IGSF6: variants seen among roughly 807,000 people sequenced by gnomAD.
The protein encoded by IGSF6 is immunoglobulin superfamily member 6.
In IGSF6, 23 loss-of-function variants were observed where a neutral mutation model predicts 24.7. The observed-to-expected ratio is 0.93, with a 90% confidence interval of 0.67 to 1.32. IGSF6 has a LOEUF of 1.32. IGSF6 is among the 40% of genes most tolerant of loss of function. The pLI, the probability that IGSF6 is intolerant of heterozygous loss-of-function variation, is 0.00. For missense variants in IGSF6, 295 were observed against 293.6 expected (o/e 1.00, Z -0.04); for synonymous variants, 110 against 113.7 (o/e 0.97, Z 0.21).
Position 21,641,107 on chromosome 16 carries a change from A to T in IGSF6, c.*427T>A, listed in dbSNP as rs895312918. ...TTTACTAAGGTGCTTTTCAAAATGA[A>T]TGTCTCTAACTCAAATTTTGTCACG... On this transcript the variant is annotated 3_prime_UTR_variant, in exon 6 of 6. Transcript: ENST00000268389. The T allele has an allele frequency of 6.5e-6, 1 of 153,886 alleles. No individual in the cohort carries two copies. The highest frequency in any genetic ancestry group is 2.4e-5 in the African/African-American group (1 of 41,500). The allele number at this position is 153,886 out of a possible 1,614,324, so 9.5% of individuals were successfully genotyped here. A position where few individuals can be genotyped will look rare whatever the true frequency, so the allele number is the denominator to read the frequency against.
chr16:21,644,367 T>C lies in IGSF6; in HGVS notation c.457A>G (p.Ser153Gly). The C allele has an allele frequency of 6.2e-7, 1 of 1,613,826 alleles. No homozygotes were observed. The highest frequency in any genetic ancestry group is 8.5e-7 in the Non-Finnish European group (1 of 1,179,812). The part of the protein sequence containing the change: ...EIKLLSKELR[S>G]FLTALVSLLS... ...AGTGATACAAGAGCTGTCAGGAAGC[T>C]CCGCAGTTCCTTGCTGAGCAGCTTA... The change falls in exon 3 of 6, where the codon AGC becomes GGC. Residue 153 changes from serine to glycine, a missense_variant. Ser to Gly is a moderately conservative substitution (Grantham distance 56). Transcript: ENST00000268389.
chr16:21,652,198 T>C (rs1421642477), intron 1 of IGSF6: 2 of 187,358 alleles, frequency 1.1e-5, no homozygotes, highest in Non-Finnish European at 2.2e-5. Flanking sequence ...CAAATAATCA[T>C]TTATTGCTTT....
At chr16:21,649,730 G>C (rs1481444389) in intron 1 of IGSF6, among the ~76,000 whole-genome samples, 1 of 151,964 alleles carries the variant, frequency 6.6e-6, no homozygotes, top group Non-Finnish European at 1.5e-5. Flanking sequence ...TTTGAGATAG[G>C]GTCCCACTGT....
In IGSF6 at chr16:21,647,131, A is replaced by G. The variant is rs1371949297; in HGVS notation, c.427+2T>C. On this transcript the variant is annotated splice_donor_variant, in intron 2 of 5. Transcript: ENST00000268389. LOFTEE classifies it high-confidence loss of function. ...CACTGAAATAAAGCCTCGCTGACTG[A>G]CCTCTTACCACCAGTGTGGTCCCTC... 3.7e-6 allele frequency: 6 copies of G among 1,614,034 alleles called. No homozygotes were observed. The highest frequency in any genetic ancestry group is 5.1e-6 in the Non-Finnish European group (6 of 1,179,994).
intron 5 of IGSF6, chr16:21,642,148 G>A (rs968362279): frequency 6.6e-6 from 1 of 150,960 alleles, no homozygotes; most frequent in Non-Finnish European, 1.5e-5. Flanking sequence ...TTCGTGAAGC[G>A]TTCCATATTT....
At chr16:21,649,409 C>T (rs887625021) in intron 1 of IGSF6, among the ~76,000 whole-genome samples, 1 of 152,140 alleles carries the variant, frequency 6.6e-6, no homozygotes, top group African/African-American at 2.4e-5. Flanking sequence ...AGGAGGCCTG[C>T]AAGCTTCTCT....
rs1304187461 is a variant in IGSF6 at position 21,643,174 on chromosome 16, A to G, written c.586-20T>C. ...CTTCTTCTATAAAGACAAATGAGAA[A>G]AAAAAATTCTCTTTTGGGAATATAA... On this transcript the variant is annotated intron_variant, in intron 4 of 5. Coordinates refer to ENST00000268389, the MANE Select transcript of IGSF6 (RefSeq NM_005849.4). 7 of 1,566,292 alleles carry G rather than the reference A, an allele frequency of 4.5e-6. No homozygotes were observed. The East Asian group carries it at 1.6e-4, about 35-fold the overall frequency.
Position 21,647,571 on chromosome 16 carries a change from A to T in IGSF6, c.68-79T>A, listed in dbSNP as rs895978841. On this transcript the variant is annotated intron_variant, in intron 1 of 5. Transcript: ENST00000268389. ...TTTTATTATATTTTTGAGGTAGGAA[A>T]CCCAGCCATTCTGTTATTTTTCTTA... is the stretch of plus-strand genomic sequence containing the variant. The T allele has an allele frequency of 6.0e-6, 9 of 1,499,104 alleles. No individual in the cohort carries two copies. The Admixed American group carries it at 8.8e-5, about 15-fold the overall frequency. 92.9% of individuals were successfully genotyped at this position (1,499,104 alleles called of 1,614,324 possible).
chr16:21,643,736 T>C (rs538790018), intron 3 of IGSF6, 138 bp from the exon 4 acceptor site: 2 of 601,092 alleles, frequency 3.3e-6, no homozygotes, highest in East Asian at 2.9e-5. Context: ...TACATCATTT[T>C]TGAGATGCTT....
chr16:21,643,632 T>G, intron 3 of IGSF6, 34 bp from the exon 4 acceptor site: 3 of 1,441,654 alleles, frequency 2.1e-6, no homozygotes, highest in Non-Finnish European at 2.9e-6. Context: ...TATGAAACAT[T>G]TTATGTACTC....
chr16:21,651,083 T>C (rs895548908), intron 1 of IGSF6, among the ~76,000 whole-genome samples: 1 of 151,662 alleles, frequency 6.6e-6, no homozygotes, highest in African/African-American at 2.4e-5. Context: ...ATTAGCCGGG[T>C]GTGGTGGCAG....
Position 21,640,908 on chromosome 16 carries a change from G to A in IGSF6, c.*626C>T, listed in dbSNP as rs1226937189. 6.6e-6 allele frequency: 1 copy of A among 152,088 alleles called. No homozygotes were observed. The highest frequency in any genetic ancestry group is 1.5e-5 in the Non-Finnish European group (1 of 68,052). The allele number at this position is 152,088 out of a possible 1,614,324, so 9.4% of individuals were successfully genotyped here. ...TCCGTTGTGGCTTATTTGTTCTGAA[G>A]TTACCTCTGTTTAACCTTCAGCTTT... On this transcript the variant is annotated 3_prime_UTR_variant, in exon 6 of 6. Transcript: ENST00000268389.
chr16:21,650,901 A>T (rs1966555743), intron 1 of IGSF6, among the ~76,000 whole-genome samples: 4 of 152,160 alleles, frequency 2.6e-5, no homozygotes, highest in Admixed American at 2.6e-4. Flanking sequence ...CCATGGAGGG[A>T]ATAGAAAGAT....
intron 3 of IGSF6, 129 bp downstream of exon 3, chr16:21,644,159 GCA>G: frequency 1.5e-6 from 1 of 648,330 alleles, no homozygotes; most frequent in Non-Finnish European, 2.7e-6. Context: ...GGTGTTCCCT[GCA>G]GATGCACAGG....
intron 4 of IGSF6, 68 bp downstream of exon 4, chr16:21,643,480 T>TA: frequency 9.8e-7 from 1 of 1,022,916 alleles, no homozygotes; most frequent in African/African-American, 1.6e-5. Flanking sequence ...AGCTAAAAAA[T>TA]ATTTCAGTTT....
chr16:21,643,228 TTTC>T, intron 4 of IGSF6, 74 bp from the exon 5 acceptor site: 1 of 1,153,196 alleles, frequency 8.7e-7, no homozygotes, highest in Non-Finnish European at 1.3e-6. Flanking sequence ...CATCAGAACT[TTTC>T]TTGCTCTATT....
At chr16:21,652,142 TAAATG>T (rs1236275022) in intron 1 of IGSF6, 2 of 154,954 alleles carry the variant, frequency 1.3e-5, no homozygotes, top group Non-Finnish European at 2.9e-5. Flanking sequence ...TTTTTTTTCT[TAAATG>T]AAAAGTACTT....
In IGSF6 at chr16:21,647,155, T is replaced by G. The variant is rs1439072572; in HGVS notation, c.405A>C (p.Gly135=). The G allele has an allele frequency of 6.2e-7, 1 of 1,614,022 alleles. No individual in the cohort carries two copies. The highest frequency in any genetic ancestry group is 2.2e-5 in the East Asian group (1 of 44,894). The change falls in exon 2 of 6, where the codon GGA becomes GGC. Residue 135 remains glycine, a synonymous_variant. Transcript: ENST00000268389. Reference sequence around the variant, plus strand: ...GACCTCTTACCACCAGTGTGGTCCCTCCTCCTGTCTGTTTAGCTCTCGCTT... The same window carrying G: ...GACCTCTTACCACCAGTGTGGTCCCGCCTCCTGTCTGTTTAGCTCTCGCTT... ...VPEARAKQTG[G]GTTLVVREIK...
At chr16:21,648,445 C>T (rs4783407) in intron 1 of IGSF6, among the ~76,000 whole-genome samples, 3 of 152,300 alleles carry the variant, frequency 2.0e-5, no homozygotes, top group African/African-American at 7.2e-5. Context: ...ATTGCTGCTG[C>T]AGCCGCCACT....
Sources: gnomAD v4.1 joint callset for allele counts (sites outside exome capture counted in the v4.1 genomes callset) on GRCh38, gnomAD v4.1.1 for gene constraint, MANE v1.5 for transcripts, NCBI Gene and HGNC (gene_info 2026-07-23, HGNC 2026-07-21) for gene names.